PDE4B: variants seen among roughly 807,000 people sequenced by gnomAD.
The protein encoded by PDE4B is phosphodiesterase 4B, also known as 3',5'-cyclic-AMP phosphodiesterase 4B.
A neutral mutation model predicts 82.2 loss-of-function variants in PDE4B; 20 were observed. The ratio of observed to expected loss-of-function variants is 0.24; its 90% confidence interval spans 0.17 to 0.35. The LOEUF (loss-of-function observed/expected upper bound fraction) is 0.35. PDE4B is among the 10% of genes least tolerant of loss of function. The pLI is 1.00. For missense variants in PDE4B, 655 were observed against 907.2 expected (o/e 0.72, Z 3.57); for synonymous variants, 320 against 318.9 (o/e 1.00, Z -0.04).
intron 3 of PDE4B, among the ~76,000 whole-genome samples, chr1:66,090,744 T>TATGTGTATAC (rs746637080): frequency 1.3e-5 from 2 of 151,058 alleles, no homozygotes; most frequent in African/African-American, 2.4e-5. Flanking sequence ...TATATATACA[T>TATGTGTATAC]ATATATGTAT....
At chr1:65,955,734 C>T (rs902511042) in intron 3 of PDE4B, among the ~76,000 whole-genome samples, 1 of 152,084 alleles carries the variant, frequency 6.6e-6, no homozygotes, top group African/African-American at 2.4e-5. Flanking sequence ...GAAGGTGCCC[C>T]AATTCCCTTT....
At position 65,890,959 on chromosome 1, in the gene PDE4B, T is replaced by G. The variant is rs532394229; in HGVS notation, c.-70-22286T>G. The stretch of plus-strand genomic sequence containing the variant: ...GGATTTATGTTCCAACCTTTGTGAT[T>G]CGCTCTGTGACTTTGAAGAACTCAC... On this transcript the variant is annotated intron_variant, in intron 1 of 16. Transcript: ENST00000341517. 8.9e-4 allele frequency among the ~76,000 whole-genome samples: 136 copies of G among 152,192 alleles called. 1 individual carries two copies. Among genetic ancestry groups the G allele is most frequent in the Non-Finnish European group, 1.7e-3 (116 of 67,980 alleles).
In PDE4B at chr1:66,363,203, C is replaced by T. The variant is rs768259010; in HGVS notation, c.1056C>T (p.Ile352=). ...ACCTGAACAAATGGGGTCTTAACAT[C>T]TTTAATGTGGCTGGATATTCTCACA... is the stretch of plus-strand genomic sequence containing the variant. ...LEDLNKWGLN[I]FNVAGYSHNR... The change falls in exon 11 of 17, where the codon ATC becomes ATT. Residue 352 remains isoleucine, a synonymous_variant. Coordinates refer to ENST00000341517, the MANE Select transcript of PDE4B (RefSeq NM_002600.4). 1.9e-6 allele frequency: 3 copies of T among 1,612,886 alleles called. No homozygotes were observed. Among genetic ancestry groups the T allele is most frequent in the Admixed American group, 1.7e-5 (1 of 59,972 alleles).
intron 1 of PDE4B, among the ~76,000 whole-genome samples, chr1:65,864,693 G>A (rs1375157457): frequency 1.3e-5 from 2 of 152,190 alleles, no homozygotes; most frequent in Non-Finnish European, 2.9e-5. Context: ...TACCAGTGGA[G>A]GCTGCAGAAC....
intron 1 of PDE4B, among the ~76,000 whole-genome samples, chr1:65,882,994 T>C (rs1372027260): frequency 6.6e-6 from 1 of 152,160 alleles, no homozygotes; most frequent in African/African-American, 2.4e-5. Context: ...ATCACATTAT[T>C]ATTTATCTGA....
intron 1 of PDE4B, among the ~76,000 whole-genome samples, chr1:65,794,878 G>C (rs753473551): frequency 2.6e-5 from 4 of 152,170 alleles, no homozygotes; most frequent in Non-Finnish European, 5.9e-5. Context: ...CAATGTTGCA[G>C]TGTGTCTACT....
At chr1:65,863,712 G>T (rs1646479591) in intron 1 of PDE4B, among the ~76,000 whole-genome samples, 2 of 152,132 alleles carry the variant, frequency 1.3e-5, no homozygotes, top group South Asian at 4.1e-4. Flanking sequence ...TGCATATTTA[G>T]GATAGTTAGC....
chr1:66,248,144 C>T (rs1168991621), intron 4 of PDE4B, among the ~76,000 whole-genome samples: 1 of 152,172 alleles, frequency 6.6e-6, no homozygotes, highest in African/African-American at 2.4e-5. Context: ...AACTTTAACA[C>T]AATGCCCACT....
intron 3 of PDE4B, among the ~76,000 whole-genome samples, chr1:66,098,612 G>T (rs1212581220): frequency 1.3e-5 from 2 of 152,062 alleles, no homozygotes; most frequent in Non-Finnish European, 2.9e-5. Flanking sequence ...GTCTTCAAGA[G>T]GTTAGTTTTA....
Position 66,092,784 on chromosome 1 carries a change from A to T in PDE4B, c.282-154676A>T, listed in dbSNP as rs200340637. 2.6e-5 allele frequency among the ~76,000 whole-genome samples: 4 copies of T among 152,098 alleles called. No individual in the cohort carries two copies. The East Asian group carries it at 7.8e-4, about 30-fold the overall frequency. ...GGAGAAAGTTGGGTGTGGGTGGGGA[A>T]CAGCAGAGACAAAAGGATAAGCATG... On this transcript the variant is annotated intron_variant, in intron 3 of 16. Transcript: ENST00000341517.
chr1:65,905,711 A>G (rs576861335), intron 1 of PDE4B, among the ~76,000 whole-genome samples: 3 of 152,228 alleles, frequency 2.0e-5, no homozygotes, highest in Non-Finnish European at 2.9e-5. Flanking sequence ...AGCCTCCTCA[A>G]TGAAGCTTTC....
intron 3 of PDE4B, among the ~76,000 whole-genome samples, chr1:66,160,985 C>T (rs1258720204): frequency 1.3e-5 from 2 of 152,190 alleles, no homozygotes; most frequent in Non-Finnish European, 2.9e-5. Context: ...TCCTAAAAGA[C>T]ATGTGTGCAT....
intron 1 of PDE4B, among the ~76,000 whole-genome samples, chr1:65,881,364 T>C (rs1000389165): frequency 6.6e-6 from 1 of 152,132 alleles, no homozygotes; most frequent in African/African-American, 2.4e-5. Context: ...GGACCCTGGC[T>C]GGGGCAGCCA....
At chr1:66,140,030 A>G (rs1262503723) in intron 3 of PDE4B, among the ~76,000 whole-genome samples, 1 of 152,234 alleles carries the variant, frequency 6.6e-6, no homozygotes, top group Non-Finnish European at 1.5e-5. Flanking sequence ...ATTCAAAGCA[A>G]TCAAACTTAG....
At chr1:66,035,043 G>A (rs1653991609) in intron 3 of PDE4B, among the ~76,000 whole-genome samples, 1 of 152,092 alleles carries the variant, frequency 6.6e-6, no homozygotes, top group Non-Finnish European at 1.5e-5. Flanking sequence ...GGGTCCCTTA[G>A]GGATGTCTCT....
intron 2 of PDE4B, 131 bp downstream of exon 2, chr1:65,913,487 AG>A (rs1647120571): frequency 1.3e-6 from 1 of 796,642 alleles, no homozygotes. Flanking sequence ...ACATGGGCAC[AG>A]CCAGCACCTG....
chr1:66,239,365 T>C (rs1652704527), intron 3 of PDE4B, among the ~76,000 whole-genome samples: 1 of 152,124 alleles, frequency 6.6e-6, no homozygotes, highest in East Asian at 1.9e-4. Context: ...CACACAAAAT[T>C]AATCTCTTTT....
chr1:65,963,952 C>T (rs1052605797), intron 3 of PDE4B, among the ~76,000 whole-genome samples: 1 of 152,092 alleles, frequency 6.6e-6, no homozygotes, highest in Non-Finnish European at 1.5e-5. Context: ...AATCTTTATA[C>T]ATTTGCAGAA....
intron 8 of PDE4B, among the ~76,000 whole-genome samples, chr1:66,340,282 AG>A (rs1660876704): frequency 6.6e-6 from 1 of 152,234 alleles, no homozygotes; most frequent in South Asian, 2.1e-4. Context: ...AAAGTAGCCA[AG>A]TGCTTCCACA....
Sources: gnomAD v4.1 joint callset for allele counts (sites outside exome capture counted in the v4.1 genomes callset) on GRCh38, gnomAD v4.1.1 for gene constraint, MANE v1.5 for transcripts, NCBI Gene and HGNC (gene_info 2026-07-23, HGNC 2026-07-21) for gene names.